The following EFR3B variants were observed in gnomAD, a reference collection of about 807,000 sequenced individuals.
EFR3B encodes the protein EFR3 homolog B.
EFR3B carries 64 observed loss-of-function variants against 104.7 expected under a neutral mutation model. The observed-to-expected ratio is 0.61, with a 90% CI of 0.50 to 0.75. EFR3B has a LOEUF of 0.75. EFR3B is among the 30% of genes least tolerant of loss of function. The pLI is 0.00. For missense variants in EFR3B, 750 were observed against 1,078.5 expected (o/e 0.70, Z 4.27); for synonymous variants, 385 against 417.9 (o/e 0.92, Z 0.96).
intron 16 of EFR3B, among the ~76,000 whole-genome samples, chr2:25,140,638 G>T (rs1012383240): frequency 5.3e-5 from 8 of 152,150 alleles, no homozygotes; most frequent in Non-Finnish European, 1.0e-4. Context: ...ACTGAGTAAA[G>T]CTCAAGATGT....
At chr2:25,081,406 C>A in intron 1 of EFR3B, 1 of 1,215,882 alleles carries the variant, frequency 8.2e-7, no homozygotes. Context: ...CATGTTATTT[C>A]TTTCTTCTGT....
rs562247429 is a variant in EFR3B at position 25,060,958 on chromosome 2, C to T, written c.7+18639C>T. Among the ~76,000 whole-genome samples, 766 of 138,382 alleles carry T rather than the reference C, an allele frequency of 5.5e-3. 4 individuals carry two copies. The highest frequency in any genetic ancestry group is 0.02 in the African/African-American group (740 of 37,304). 90.8% of individuals were successfully genotyped at this position (138,382 alleles called of 152,430 possible). A position where few individuals can be genotyped will look rare whatever the true frequency, so the allele number is the denominator to read the frequency against. On this transcript the variant is annotated intron_variant, in intron 1 of 22. Coordinates refer to ENST00000403714, the MANE Select transcript of EFR3B (RefSeq NM_014971.2). Reference sequence around the variant, plus strand: ...AACAAACAACAACAACAACAAAAACCAAAAAACTAGCCACTGTCCTGAGTG... The same window carrying T: ...AACAAACAACAACAACAACAAAAACTAAAAAACTAGCCACTGTCCTGAGTG...
In EFR3B at chr2:25,050,772, A is replaced by G. The variant is rs115159204; in HGVS notation, c.7+8453A>G. 2.0e-3 allele frequency among the ~76,000 whole-genome samples: 309 copies of G among 152,334 alleles called. 1 individual carries two copies. Among genetic ancestry groups the G allele is most frequent in the African/African-American group, 6.9e-3 (288 of 41,578 alleles). ...ACTGTAGGCCACAATTAAGAGGGGG[A>G]AAGTCATTTACAAGATTCATTAGCA... On this transcript the variant is annotated intron_variant, in intron 1 of 22. Coordinates refer to ENST00000403714, the MANE Select transcript of EFR3B (RefSeq NM_014971.2).
intron 3 of EFR3B, among the ~76,000 whole-genome samples, chr2:25,095,703 A>G (rs980258409): frequency 2.6e-5 from 4 of 152,138 alleles, no homozygotes; most frequent in Non-Finnish European, 2.9e-5. Context: ...CTCAAAAACA[A>G]CAACAAAAAA....
At chr2:25,139,384 T>G (rs1313224623) in intron 16 of EFR3B, among the ~76,000 whole-genome samples, 194 bp downstream of exon 16, 1 of 151,998 alleles carries the variant, frequency 6.6e-6, no homozygotes, top group Non-Finnish European at 1.5e-5. Context: ...AGGGTGGGGT[T>G]AGGCACAGGG....
At chr2:25,045,211 A>G (rs1487592492) in intron 1 of EFR3B, among the ~76,000 whole-genome samples, 9 of 152,006 alleles carry the variant, frequency 5.9e-5, no homozygotes, top group Non-Finnish European at 7.4e-5. Context: ...ACACAGGCAC[A>G]TCACCTCGAC....
At chr2:25,141,471 G>A (rs1316092776) in intron 17 of EFR3B, 38 bp downstream of exon 17, 24 of 1,548,294 alleles carry the variant, frequency 1.6e-5, no homozygotes, top group Non-Finnish European at 2.1e-5. Flanking sequence ...GGGATCCCCA[G>A]GGCAGCTGAG....
At chr2:25,110,757 A>G (rs1262442402) in intron 4 of EFR3B, among the ~76,000 whole-genome samples, 1 of 152,244 alleles carries the variant, frequency 6.6e-6, no homozygotes, top group Non-Finnish European at 1.5e-5. Context: ...GACAGAATCA[A>G]CAGTCATTCC....
Position 25,143,789 on chromosome 2 carries a change from G to T in EFR3B, c.1977G>T (p.Lys659Asn), listed in dbSNP as rs941886608. The change falls in exon 18 of 23, where the codon AAG becomes AAT. Residue 659 changes from lysine to asparagine, a missense_variant. Physicochemically the swap from Lys to Asn is moderately conservative, Grantham distance 94 (BLOSUM62 0). Coordinates refer to ENST00000403714, the MANE Select transcript of EFR3B (RefSeq NM_014971.2). ...VVIELLFRQSKISEVLGGSGY... is the reference protein window; with the variant it reads ...VVIELLFRQSNISEVLGGSGY... ...TTGAGCTCCTCTTCCGCCAGAGCAAGATCAGTGAAGTCCTGGGAGGCAGTG... is the reference window on the plus strand; with the variant it reads ...TTGAGCTCCTCTTCCGCCAGAGCAATATCAGTGAAGTCCTGGGAGGCAGTG... The T allele has an allele frequency of 4.5e-6, 7 of 1,551,538 alleles. No homozygotes were observed. The highest frequency in any genetic ancestry group is 6.1e-6 in the Non-Finnish European group (7 of 1,147,012).
rs1231972325 is a variant in EFR3B, at chr2:25,093,038, C to A, written c.120C>A (p.Thr40=). 6.5e-7 allele frequency: 1 copy of A among 1,549,442 alleles called. No individual in the cohort carries two copies. Among genetic ancestry groups the A allele is most frequent in the Admixed American group, 2.0e-5 (1 of 51,002 alleles). Reference sequence around the variant, plus strand: ...TGAAGACCAACATGGAGAAGCTGACCTTCTATGCCCTCTCAGCTCCAGAAA... The same window carrying A: ...TGAAGACCAACATGGAGAAGCTGACATTCTATGCCCTCTCAGCTCCAGAAA... ...GLVKTNMEKL[T]FYALSAPEKL... is the part of the protein sequence containing the mutation. Residue 40 remains threonine (T), a synonymous_variant, in exon 3 of 23, where the codon ACC becomes ACA. Coordinates refer to ENST00000403714, the MANE Select transcript of EFR3B (RefSeq NM_014971.2).
At chr2:25,118,569 A>G (rs1319412677) in intron 4 of EFR3B, among the ~76,000 whole-genome samples, 2 of 152,118 alleles carry the variant, frequency 1.3e-5, no homozygotes, top group East Asian at 3.9e-4. Context: ...GAGGAAAGAA[A>G]GTGGCAACTA....
rs562718413 is a variant in EFR3B at position 25,063,048 on chromosome 2, C to T, written c.7+20729C>T. 1.1e-3 allele frequency among the ~76,000 whole-genome samples: 166 copies of T among 152,220 alleles called. 1 individual carries two copies. Among genetic ancestry groups the T allele is most frequent in the African/African-American group, 3.6e-3 (149 of 41,548 alleles). ...AAGCGATTCTCCTGCCTCAGCCTCCCGAGTAGTTGGGATTATAGGTGCCCC... is the reference window on the plus strand; with the variant it reads ...AAGCGATTCTCCTGCCTCAGCCTCCTGAGTAGTTGGGATTATAGGTGCCCC... On this transcript the variant is annotated intron_variant, in intron 1 of 22. Coordinates refer to ENST00000403714, the MANE Select transcript of EFR3B (RefSeq NM_014971.2).
Position 25,085,138 on chromosome 2 carries a change from C to T in EFR3B, c.8-6187C>T, listed in dbSNP as rs147286749. ...CTTCTGGGAAGCCTTCCCCAACTATCGGAGCTCAAGATAATTTCTCTCTTT... is the reference window on the plus strand; with the variant it reads ...CTTCTGGGAAGCCTTCCCCAACTATTGGAGCTCAAGATAATTTCTCTCTTT... On this transcript the variant is annotated intron_variant, in intron 1 of 22. Coordinates refer to ENST00000403714, the MANE Select transcript of EFR3B (RefSeq NM_014971.2). 1.6e-3 allele frequency among the ~76,000 whole-genome samples: 238 copies of T among 152,298 alleles called. 1 individual carries two copies. The highest frequency in any genetic ancestry group is 5.6e-3 in the African/African-American group (232 of 41,572).
intron 1 of EFR3B, among the ~76,000 whole-genome samples, chr2:25,082,332 G>A (rs1441035016): frequency 6.6e-6 from 1 of 152,210 alleles, no homozygotes; most frequent in East Asian, 1.9e-4. Flanking sequence ...CAGGCTAGAG[G>A]CCTTGGGCAG....
intron 1 of EFR3B, among the ~76,000 whole-genome samples, chr2:25,063,472 G>T (rs970592939): frequency 5.9e-5 from 9 of 152,154 alleles, no homozygotes; most frequent in Non-Finnish European, 1.3e-4. Flanking sequence ...TTCTTTGCAG[G>T]CCAGGGGTTA....
At chr2:25,141,281 G>C in intron 16 of EFR3B, 85 bp from the exon 17 acceptor site, 5 of 1,422,196 alleles carry the variant, frequency 3.5e-6, no homozygotes, top group Non-Finnish European at 3.8e-6. Context: ...AGGAAGCACC[G>C]AGCCGGGCAT....
chr2:25,084,760 A>G (rs905048681), intron 1 of EFR3B, among the ~76,000 whole-genome samples: 2 of 152,234 alleles, frequency 1.3e-5, no homozygotes, highest in African/African-American at 4.8e-5. Flanking sequence ...CTCAAAGTGG[A>G]GAGGGGGCTT....
intron 1 of EFR3B, among the ~76,000 whole-genome samples, chr2:25,068,501 G>A (rs1668397680): frequency 6.6e-6 from 1 of 152,136 alleles, no homozygotes; most frequent in African/African-American, 2.4e-5. Flanking sequence ...TGCTCATCCT[G>A]GGGCACAAGC....
rs561045074 is a variant in EFR3B at position 25,143,093 on chromosome 2, A to G, written c.1923-642A>G. Among the ~76,000 whole-genome samples, 7 of 151,472 alleles carry G rather than the reference A, an allele frequency of 4.6e-5. No homozygotes were observed. In the South Asian group the frequency reaches 1.5e-3, roughly 32 times the overall value. On this transcript the variant is annotated intron_variant, in intron 17 of 22. Transcript: ENST00000403714. The stretch of plus-strand genomic sequence containing the variant: ...AAACCCCGTCTCTACTAAAAATACA[A>G]AAAATTAGCCAGGCTTGGAGGCTGA...
Sources: allele counts gnomAD v4.1 joint callset (sites outside exome capture counted in the v4.1 genomes callset), GRCh38; gene constraint gnomAD v4.1.1; transcripts MANE v1.5; gene names NCBI Gene and HGNC (gene_info 2026-07-23, HGNC 2026-07-21).